The following PLD5 variants were observed in gnomAD, a reference collection of about 807,000 sequenced individuals.
PLD5 encodes inactive phospholipase D5.
PLD5 carries 36 observed loss-of-function variants against 61.1 expected under a neutral mutation model. The ratio of observed to expected loss-of-function variants is 0.59; its 90% CI spans 0.45 to 0.78. The LOEUF is 0.78. Ranked by LOEUF, PLD5 falls within the 30% of genes least tolerant of loss-of-function variation. The pLI is 0.00. For synonymous variants in PLD5, 243 were observed against 242.8 expected, an observed-to-expected ratio of 1.00 and a Z score of -0.01; for missense variants, 515 against 644.4, an observed-to-expected ratio of 0.80 and a Z score of 2.17.
chr1:242,119,433 T>TA (rs1558240567), intron 6 of PLD5, among the ~76,000 whole-genome samples: 2 of 152,194 alleles, frequency 1.3e-5, no homozygotes, highest in African/African-American at 4.8e-5. Flanking sequence ...CTTGTCTCTA[T>TA]AAAAAATCAT....
intron 1 of PLD5, among the ~76,000 whole-genome samples, chr1:242,513,397 C>T (rs566143354): frequency 3.4e-4 from 51 of 148,570 alleles, no homozygotes; most frequent in African/African-American, 1.2e-3. Context: ...GACACCATTG[C>T]TGCCCTCAAA....
intron 2 of PLD5, among the ~76,000 whole-genome samples, chr1:242,329,997 A>G (rs1270396522): frequency 6.6e-6 from 1 of 152,204 alleles, no homozygotes; most frequent in Non-Finnish European, 1.5e-5. Context: ...TGGCTCCCAC[A>G]GTTTAAACTG....
At chr1:242,359,339 G>A (rs1660941462) in intron 1 of PLD5, among the ~76,000 whole-genome samples, 1 of 152,118 alleles carries the variant, frequency 6.6e-6, no homozygotes. Context: ...GGAATCCTGT[G>A]TGGTGCTGTG....
At chr1:242,170,054 A>C (rs1666632387) in intron 5 of PLD5, among the ~76,000 whole-genome samples, 1 of 152,232 alleles carries the variant, frequency 6.6e-6, no homozygotes, top group South Asian at 2.1e-4. Context: ...AGAGAGCAAC[A>C]GACCTCTCAG....
intron 3 of PLD5, among the ~76,000 whole-genome samples, chr1:242,269,567 A>C (rs1391034122): frequency 6.6e-6 from 1 of 151,318 alleles, no homozygotes; most frequent in African/African-American, 2.4e-5. Flanking sequence ...ATGTACACAC[A>C]AAGTTTTAAT....
intron 2 of PLD5, among the ~76,000 whole-genome samples, chr1:242,344,650 G>GT (rs1323738393): frequency 6.6e-6 from 1 of 152,086 alleles, no homozygotes; most frequent in Non-Finnish European, 1.5e-5. Context: ...CATAAACTTT[G>GT]TGACACAGAT....
At chr1:242,411,892 G>A (rs964420940) in intron 1 of PLD5, among the ~76,000 whole-genome samples, 2 of 151,924 alleles carry the variant, frequency 1.3e-5, no homozygotes, top group Non-Finnish European at 2.9e-5. Context: ...TGGGTGTTTT[G>A]CCAAAGAGGT....
At chr1:242,410,688 G>T (rs555988625) in intron 1 of PLD5, among the ~76,000 whole-genome samples, 1 of 151,808 alleles carries the variant, frequency 6.6e-6, no homozygotes, top group Non-Finnish European at 1.5e-5. Flanking sequence ...TAGGTATTTT[G>T]CGTTCCATTA....
At chr1:242,146,227 T>A (rs1664533138) in intron 5 of PLD5, among the ~76,000 whole-genome samples, 1 of 152,234 alleles carries the variant, frequency 6.6e-6, no homozygotes, top group Non-Finnish European at 1.5e-5. Context: ...CACAGTTCGC[T>A]TTCTTTTCTT....
chr1:242,130,583 C>T (rs1040054144), intron 5 of PLD5, among the ~76,000 whole-genome samples: 4 of 152,106 alleles, frequency 2.6e-5, no homozygotes, highest in Non-Finnish European at 4.4e-5. Context: ...ATAAGGATTC[C>T]CTTTTCTCCA....
intron 1 of PLD5, chr1:242,377,558 CTAGA>C (rs1373574220): frequency 2.0e-5 from 11 of 536,668 alleles, no homozygotes; most frequent in Non-Finnish European, 3.7e-5. Context: ...ATTTCATACT[CTAGA>C]TAGAGACATG....
chr1:242,484,335 C>G (rs1482646828), intron 1 of PLD5, among the ~76,000 whole-genome samples: 14 of 151,812 alleles, frequency 9.2e-5, no homozygotes, highest in South Asian at 2.1e-4. Flanking sequence ...GAAGAAAAGA[C>G]AGAAGAATCA....
At chr1:242,515,837 A>T (rs144709632) in intron 1 of PLD5, among the ~76,000 whole-genome samples, 138 of 152,352 alleles carry the variant, frequency 9.1e-4, no homozygotes, top group African/African-American at 3.1e-3. Context: ...ATAGGTCAAA[A>T]TATCAAAAGA....
chr1:242,156,110 C>G (rs528423748), intron 5 of PLD5, among the ~76,000 whole-genome samples: 1 of 152,100 alleles, frequency 6.6e-6, no homozygotes, highest in African/African-American at 2.4e-5. Flanking sequence ...TGTAATGCCC[C>G]TCTTTGTCTC....
intron 2 of PLD5, among the ~76,000 whole-genome samples, chr1:242,336,333 C>T (rs982904949): frequency 7.9e-5 from 12 of 152,156 alleles, no homozygotes; most frequent in East Asian, 1.9e-4. Context: ...CTAGGCTAAA[C>T]GTGTTCCAGG....
intron 1 of PLD5, among the ~76,000 whole-genome samples, chr1:242,394,117 T>C (rs1663180229): frequency 7.2e-6 from 1 of 138,494 alleles, no homozygotes; most frequent in Non-Finnish European, 1.6e-5. Context: ...TATATGAGTA[T>C]ATATATGTGT....
In PLD5 at chr1:242,328,263, T is replaced by C. The variant is rs73142770; in HGVS notation, c.326+19843A>G. ...TTATCAAGATGAACATATATATATA[T>C]ACACACACATATATATTATATATAT... On this transcript the variant is annotated intron_variant, in intron 2 of 9. Coordinates refer to ENST00000536534, the MANE Select transcript of PLD5 (RefSeq NM_001372062.1). 8.4e-3 allele frequency among the ~76,000 whole-genome samples: 1,279 copies of C among 152,076 alleles called. 16 individuals are homozygous for C. The highest frequency in any genetic ancestry group is 0.028 in the African/African-American group (1,165 of 41,464).
At position 242,263,749 on chromosome 1, in the gene PLD5, T is replaced by C. The variant is rs183496902; in HGVS notation, c.607+1588A>G. ...TTCAAACACTTCTTTTTCTGTGAGA[T>C]GCAATTACTATAATGAAATTTTAAC... On this transcript the variant is annotated intron_variant, in intron 4 of 9. Coordinates refer to ENST00000536534, the MANE Select transcript of PLD5 (RefSeq NM_001372062.1). Among the ~76,000 whole-genome samples, 413 of 152,366 alleles carry C rather than the reference T, an allele frequency of 2.7e-3. 4 individuals carry two copies. Among genetic ancestry groups the C allele is most frequent in the African/African-American group, 9.5e-3 (393 of 41,584 alleles).
intron 1 of PLD5, among the ~76,000 whole-genome samples, chr1:242,423,520 C>T: frequency 6.6e-6 from 1 of 152,094 alleles, no homozygotes; most frequent in East Asian, 1.9e-4. Context: ...ATTTGGTCTT[C>T]GGTTTCTTCA....
Sources: gnomAD v4.1 joint callset for allele counts (sites outside exome capture counted in the v4.1 genomes callset) on GRCh38, gnomAD v4.1.1 for gene constraint, MANE v1.5 for transcripts, NCBI Gene and HGNC (gene_info 2026-07-23, HGNC 2026-07-21) for gene names.